Variants in ISYNA1 observed in about 807,000 individuals in gnomAD.
The protein encoded by ISYNA1 is inositol-3-phosphate synthase 1.
Under a neutral mutation model 50.3 loss-of-function variants are expected in ISYNA1, and 34 were observed. The ratio of observed to expected loss-of-function variants is 0.68; its 90% CI spans 0.51 to 0.90. The LOEUF is 0.90. ISYNA1 is among the 40% of genes least tolerant of loss of function. The probability of loss-of-function intolerance (pLI) is 0.00; values close to 1 mark genes in which losing one functional copy is unlikely to be tolerated. For synonymous variants in ISYNA1, 396 were observed against 349.9 expected, an observed-to-expected ratio of 1.13 and a Z score of -1.47; for missense variants, 718 against 784.8, an observed-to-expected ratio of 0.91 and a Z score of 1.02.
rs200581458 is a variant in ISYNA1, at chr19:18,435,341, G to A, written c.1397C>T (p.Ala466Val). The change falls in exon 10 of 11, where the codon GCG becomes GTG. Residue 466 changes from alanine to valine, a missense_variant. Physicochemically the swap from Ala to Val is moderately conservative, Grantham distance 64 (BLOSUM62 0). Around this residue, in one of 3 missense-constraint regions of ISYNA1, gnomAD observed 305 missense variants for 292.6 expected, o/e 1.04. Coordinates refer to ENST00000338128, the MANE Select transcript of ISYNA1 (RefSeq NM_016368.5). ...CGGGCTGCCGGGCGGCACTAGTGGC[G>A]CCTTGAAGAGGAAGCTGAGCAGGGA... is the stretch of plus-strand genomic sequence containing the variant. ...VLSLLSFLFKAPLVPPGSPVV... is the reference protein window; with the variant it reads ...VLSLLSFLFKVPLVPPGSPVV... 3.1e-6 allele frequency: 5 copies of A among 1,610,364 alleles called. No individual in the cohort carries two copies. The South Asian group carries it at 3.3e-5, about 11-fold the overall frequency.
Position 18,434,987 on chromosome 19 carries a change from G to A in ISYNA1, c.1603C>T (p.Pro535Ser). 6.2e-7 allele frequency: 1 copy of A among 1,613,488 alleles called. No homozygotes were observed. Among genetic ancestry groups the A allele is most frequent in the Non-Finnish European group, 8.5e-7 (1 of 1,180,000 alleles). The change falls in exon 11 of 11, where the codon CCC (proline) becomes TCC (serine). Residue 535 changes from proline (P) to serine (S), a missense_variant. By Grantham distance (74) the Pro-to-Ser change is moderately conservative. Coordinates refer to ENST00000338128, the MANE Select transcript of ISYNA1 (RefSeq NM_016368.5). ...YPMLNKKGPV[P>S]AATNGCTGDA... ...CCGGTGCAGCCATTGGTGGCAGCGG[G>A]TACCGGTCCTTTCTTGTTCAACATA...
In ISYNA1 at chr19:18,437,063, T is replaced by A. The variant is rs777248875; in HGVS notation, c.325A>T (p.Ser109Cys). Residue 109 changes from serine to cysteine, a missense_variant, in exon 4 of 11, where the codon AGC (serine) becomes TGC (cysteine). Coordinates refer to ENST00000338128, the MANE Select transcript of ISYNA1 (RefSeq NM_016368.5). ...TGGCCCTCGGCGTCCAGGCCCAGGC[T>A]CACGGTGCCCGCCTGAGTCAGCGAG... is the stretch of plus-strand genomic sequence containing the variant. ...YGSLTQAGTV[S>C]LGLDAEGQEV... 6.3e-7 allele frequency: 1 copy of A among 1,587,864 alleles called. No homozygotes were observed.
In ISYNA1 at chr19:18,435,913, G is replaced by A. The variant is rs369656085; in HGVS notation, c.984C>T (p.Ser328=). The A allele has an allele frequency of 1.9e-5, 30 of 1,613,972 alleles. No individual in the cohort carries two copies. In the African/African-American group the frequency reaches 3.6e-4, roughly 19 times the overall value. ...TGCCCAGGTGGTTGTAACTCACGATGGACATGGTCTGTGGGTACAAGGGAA... is the reference window on the plus strand; with the variant it reads ...TGCCCAGGTGGTTGTAACTCACGATAGACATGGTCTGTGGGTACAAGGGAA... The part of the protein sequence containing the change: ...FLIGSGLKTM[S]IVSYNHLGNN... The change falls in exon 8 of 11, where the codon TCC becomes TCT. Residue 328 remains serine (S), a synonymous_variant. Coordinates refer to ENST00000338128, the MANE Select transcript of ISYNA1 (RefSeq NM_016368.5).
chr19:18,437,419 C>A, intron 3 of ISYNA1, 180 bp downstream of exon 3: 1 of 1,110,962 alleles, frequency 9.0e-7, no homozygotes, highest in Non-Finnish European at 1.2e-6. Context: ...GCAGGTCCCT[C>A]GCCCACTACA....
rs1443506971 is a variant in ISYNA1, at chr19:18,434,905, C to A, written c.*8G>T. 2 of 1,610,842 alleles carry A rather than the reference C, an allele frequency of 1.2e-6. No individual in the cohort carries two copies. Among genetic ancestry groups the A allele is most frequent in the Non-Finnish European group, 8.5e-7 (1 of 1,178,752 alleles). On this transcript the variant is annotated 3_prime_UTR_variant, in exon 11 of 11. Coordinates refer to ENST00000338128, the MANE Select transcript of ISYNA1 (RefSeq NM_016368.5). ...GAGGAAGAGCCGAGAAACTGTGTGACCGGGGCCTCAGGTGGTGGGCATTGG... is the reference window on the plus strand; with the variant it reads ...GAGGAAGAGCCGAGAAACTGTGTGAACGGGGCCTCAGGTGGTGGGCATTGG...
intron 2 of ISYNA1, 46 bp downstream of exon 2, chr19:18,437,814 G>T: frequency 6.2e-7 from 1 of 1,607,236 alleles, no homozygotes; most frequent in Non-Finnish European, 8.5e-7. Context: ...TCCCCGAGCC[G>T]CCCCGCTCTC....
Position 18,434,472 on chromosome 19 carries a change from C to T in ISYNA1, c.*441G>A. On this transcript the variant is annotated 3_prime_UTR_variant, in exon 11 of 11. Coordinates refer to ENST00000338128, the MANE Select transcript of ISYNA1 (RefSeq NM_016368.5). ...CCTTCCTGCCATTTGTATTTTGTCC[C>T]AGAGAGAAAGGCTCTTTGGGGGGCC... 3.3e-6 allele frequency: 3 copies of T among 919,662 alleles called. No homozygotes were observed. Among genetic ancestry groups the T allele is most frequent in the Non-Finnish European group, 3.0e-6 (2 of 665,966 alleles). The allele number at this position is 919,662 out of a possible 1,614,324, so 57.0% of individuals were successfully genotyped here. A position where few individuals can be genotyped will look rare whatever the true frequency, so the allele number is the denominator to read the frequency against.
intron 3 of ISYNA1, 104 bp downstream of exon 3, chr19:18,437,494 AC>A: frequency 2.5e-5 from 8 of 317,732 alleles, no homozygotes; most frequent in South Asian, 9.3e-5. Context: ...CCCACCCCCT[AC>A]AGCCCCCCTG....
Position 18,437,842 on chromosome 19 carries a change from C to T in ISYNA1, c.120+18G>A. The stretch of plus-strand genomic sequence containing the variant: ...CCGCTCTCCCCAGCACGCCTCCTTC[C>T]TCAGCCCCCTGGTCCACCTTGAGAA... On this transcript the variant is annotated intron_variant, in intron 2 of 10. Coordinates refer to ENST00000338128, the MANE Select transcript of ISYNA1 (RefSeq NM_016368.5). The T allele has an allele frequency of 6.2e-7, 1 of 1,610,972 alleles. No homozygotes were observed. The highest frequency in any genetic ancestry group is 8.5e-7 in the Non-Finnish European group (1 of 1,179,714).
rs1973892418 is a variant in ISYNA1, at chr19:18,434,956, G to A, written c.1634C>T (p.Ala545Val). ...GGGCTCCTCTTGCAGATGCCCATTG[G>A]CATCACCGGTGCAGCCATTGGTGGC... is the stretch of plus-strand genomic sequence containing the variant. ...PAATNGCTGD[A>V]NGHLQEEPPM... Residue 545 changes from alanine to valine, a missense_variant, in exon 11 of 11, where the codon GCC becomes GTC. This residue lies in a region of ISYNA1 where 305 missense variants were observed against 292.6 expected (regional missense o/e 1.04). Transcript: ENST00000338128. 6.2e-7 allele frequency: 1 copy of A among 1,613,342 alleles called. No individual in the cohort carries two copies. The highest frequency in any genetic ancestry group is 1.1e-5 in the South Asian group (1 of 91,076).
Position 18,436,162 on chromosome 19 carries a change from T to C in ISYNA1, c.845A>G (p.Asn282Ser), listed in dbSNP as rs1206528812. The C allele has an allele frequency of 3.7e-6, 6 of 1,612,302 alleles. No homozygotes were observed. The highest frequency in any genetic ancestry group is 5.1e-6 in the Non-Finnish European group (6 of 1,179,984). Residue 282 changes from asparagine to serine, a missense_variant, in exon 7 of 11, where the codon AAC becomes AGC. By Grantham distance (46) the Asn-to-Ser change is conservative. Around this residue, in one of 3 missense-constraint regions of ISYNA1, gnomAD observed 403 missense variants for 466.6 expected, o/e 0.86. Coordinates refer to ENST00000338128, the MANE Select transcript of ISYNA1 (RefSeq NM_016368.5). ...GCAFLNGSPQ[N>S]TLVPGALELA... ...CTCAAGAGCTCCGGGCACCAGGGTG[T>C]TCTGCGGAGACCCATTGAGGAAGGC...
chr19:18,434,647 C>A lies in ISYNA1; in HGVS notation c.*266G>T. On this transcript the variant is annotated 3_prime_UTR_variant, in exon 11 of 11. Transcript: ENST00000338128. ...TTCCGTCCCCGCCCCCATCTAGCCCCACCTTTGAGAACTGGGGGCAGAGCG... is the reference window on the plus strand; with the variant it reads ...TTCCGTCCCCGCCCCCATCTAGCCCAACCTTTGAGAACTGGGGGCAGAGCG... 1.7e-6 allele frequency: 1 copy of A among 572,288 alleles called. No homozygotes were observed. The highest frequency in any genetic ancestry group is 2.1e-5 in the South Asian group (1 of 47,694). The allele number at this position is 572,288 out of a possible 1,614,324, so 35.5% of individuals were successfully genotyped here.
At chr19:18,436,936 C>T (rs1302385804) in intron 4 of ISYNA1, 37 bp downstream of exon 4, 1 of 1,529,228 alleles carries the variant, frequency 6.5e-7, no homozygotes, top group Non-Finnish European at 9.0e-7. Flanking sequence ...GACCCCATCT[C>T]CCATCCCGCC....
rs776119355 is a variant in ISYNA1 at position 18,435,324 on chromosome 19, C to T, written c.1414G>A (p.Gly472Ser). ...FLFKAPLVPP[G>S]SPVVNALFRQ... ...AAAAGCGCATTGACCACCGGGCTGC[C>T]GGGCGGCACTAGTGGCGCCTTGAAG... The change falls in exon 10 of 11, where the codon GGC becomes AGC. Residue 472 changes from glycine (G) to serine (S), a missense_variant. By Grantham distance (56) the Gly-to-Ser change is moderately conservative. Coordinates refer to ENST00000338128, the MANE Select transcript of ISYNA1 (RefSeq NM_016368.5). The T allele has an allele frequency of 4.3e-6, 7 of 1,609,306 alleles. No individual in the cohort carries two copies. Among genetic ancestry groups the T allele is most frequent in the Admixed American group, 1.7e-5 (1 of 60,028 alleles).
At chr19:18,437,126 C>T (rs754963960) in intron 3 of ISYNA1, 21 bp from the exon 4 acceptor site, 3 of 1,551,318 alleles carry the variant, frequency 1.9e-6, no homozygotes, top group Non-Finnish European at 2.6e-6. Flanking sequence ...GCAGACACGG[C>T]GAGGTGACGG....
intron 3 of ISYNA1, 64 bp downstream of exon 3, chr19:18,437,535 C>G: frequency 1.9e-6 from 2 of 1,044,464 alleles, no homozygotes; most frequent in Non-Finnish European, 2.5e-6. Flanking sequence ...CCTGCAGGCT[C>G]CCGCCCCCGC....
chr19:18,437,688 C>T lies in ISYNA1; in HGVS notation c.193G>A (p.Gly65Ser). 2.6e-6 allele frequency: 4 copies of T among 1,550,324 alleles called. No individual in the cohort carries two copies. The highest frequency in any genetic ancestry group is 1.7e-6 in the Non-Finnish European group (2 of 1,150,792). ...QVPRLGVMLVGWGGNNGSTLT... is the reference protein window; with the variant it reads ...QVPRLGVMLVSWGGNNGSTLT... ...GTGGAGCCGTTGTTCCCGCCCCAGC[C>T]GACAAGCATGACCCCGAGCCGGGGC... Residue 65 changes from glycine to serine, a missense_variant, in exon 3 of 11, where the codon GGC becomes AGC. Gly to Ser is a moderately conservative substitution (Grantham distance 56). This residue lies in a region of ISYNA1 where 403 missense variants were observed against 466.6 expected (regional missense o/e 0.86). Coordinates refer to ENST00000338128, the MANE Select transcript of ISYNA1 (RefSeq NM_016368.5).
chr19:18,435,410 C>T lies in ISYNA1; in HGVS notation c.1328G>A (p.Cys443Tyr), dbSNP rs1973941441. 1.2e-6 allele frequency: 2 copies of T among 1,611,066 alleles called. No homozygotes were observed. Among genetic ancestry groups the T allele is most frequent in the African/African-American group, 1.3e-5 (1 of 74,924 alleles). The change falls in exon 10 of 11, where the codon TGC (cysteine) becomes TAC (tyrosine). Residue 443 changes from cysteine (C) to tyrosine (Y), a missense_variant. Coordinates refer to ENST00000338128, the MANE Select transcript of ISYNA1 (RefSeq NM_016368.5). ...LTELCQRVSF[C>Y]TDMDPEPQTF... Reference sequence around the variant, plus strand: ...CTGCGGCTCGGGGTCCATGTCAGTGCAGAAGCTCACGCGCTGGCACAGCTC... The same window carrying T: ...CTGCGGCTCGGGGTCCATGTCAGTGTAGAAGCTCACGCGCTGGCACAGCTC...
Position 18,434,899 on chromosome 19 carries a change from G to A in ISYNA1, c.*14C>T, listed in dbSNP as rs903817483. 1 of 1,608,796 alleles carries A rather than the reference G, an allele frequency of 6.2e-7. No individual in the cohort carries two copies. The highest frequency in any genetic ancestry group is 8.5e-7 in the Non-Finnish European group (1 of 1,177,206). On this transcript the variant is annotated 3_prime_UTR_variant, in exon 11 of 11. Coordinates refer to ENST00000338128, the MANE Select transcript of ISYNA1 (RefSeq NM_016368.5). ...AGCGGGGAGGAAGAGCCGAGAAACT[G>A]TGTGACCGGGGCCTCAGGTGGTGGG...
Sources: allele counts gnomAD v4.1 joint callset, GRCh38; gene constraint gnomAD v4.1.1; regional missense constraint gnomAD v4.1.1; transcripts MANE v1.5; gene names NCBI Gene and HGNC (gene_info 2026-07-23, HGNC 2026-07-21).